Variants in SLCO6A1 observed in about 807,000 individuals in gnomAD.
SLCO6A1 encodes solute carrier organic anion transporter family member 6A1.
Under a neutral mutation model 72.7 loss-of-function variants are expected in SLCO6A1, and 65 were observed. The observed-to-expected ratio is 0.89, with a 90% CI of 0.73 to 1.10. The LOEUF (loss-of-function observed/expected upper bound fraction) is 1.10, where lower values mean the gene tolerates loss of function less well. Ranked by LOEUF, SLCO6A1 falls within the 50% of genes least tolerant of loss-of-function variation. The pLI, the probability that SLCO6A1 is intolerant of heterozygous loss-of-function variation, is 0.00. For synonymous variants in SLCO6A1, 314 were observed against 298.2 expected, an observed-to-expected ratio of 1.05 and a Z score of -0.55; for missense variants, 874 against 872.6, an observed-to-expected ratio of 1.00 and a Z score of -0.02.
Position 102,477,271 on chromosome 5 carries a change from G to A in SLCO6A1, c.802+405C>T, listed in dbSNP as rs1169467298. Among the ~76,000 whole-genome samples the A allele has an allele frequency of 3.3e-5, 5 of 151,880 alleles. No individual in the cohort carries two copies. In the South Asian group the frequency reaches 6.2e-4, roughly 19 times the overall value. ...AGAGTAGCTGAGATTACAGGTGCTC[G>A]CCACCATGCCCAGCTAATTTTTTTG... On this transcript the variant is annotated intron_variant, in intron 3 of 13. Transcript: ENST00000506729.
intron 6 of SLCO6A1, among the ~76,000 whole-genome samples, chr5:102,440,335 G>A (rs1236465679): frequency 1.3e-5 from 2 of 151,988 alleles, no homozygotes; most frequent in African/African-American, 2.4e-5. Context: ...GATCAGCAGC[G>A]GCATTAAATT....
intron 9 of SLCO6A1, among the ~76,000 whole-genome samples, chr5:102,411,249 ATGTG>A (rs71226935): frequency 2.0e-5 from 3 of 149,932 alleles, no homozygotes; most frequent in East Asian, 2.0e-4. Context: ...TTGTGTGTGT[ATGTG>A]TGTGTGTGTG....
chr5:102,373,553 CA>C, intron 12 of SLCO6A1, 59 bp from the exon 13 acceptor site: 1 of 1,208,684 alleles, frequency 8.3e-7, no homozygotes, highest in Non-Finnish European at 1.1e-6. Context: ...AAAATGTAGG[CA>C]AAAATGCTAT....
intron 9 of SLCO6A1, among the ~76,000 whole-genome samples, chr5:102,407,612 C>T (rs1373442183): frequency 1.3e-5 from 2 of 152,156 alleles, no homozygotes; most frequent in East Asian, 3.8e-4. Flanking sequence ...TAAACCTCAT[C>T]TAATTAGGTG....
chr5:102,484,247 G>A (rs1580515065), intron 1 of SLCO6A1, among the ~76,000 whole-genome samples: 1 of 152,142 alleles, frequency 6.6e-6, no homozygotes, highest in East Asian at 1.9e-4. Flanking sequence ...TTGACTCCAA[G>A]CCCAATCATG....
chr5:102,459,249 C>G (rs1371804667), intron 5 of SLCO6A1, among the ~76,000 whole-genome samples: 3 of 151,932 alleles, frequency 2.0e-5, no homozygotes, highest in Non-Finnish European at 1.5e-5. Flanking sequence ...ATCTCTAGAA[C>G]AAAAAGGAAA....
chr5:102,398,822 C>G (rs532075823), intron 10 of SLCO6A1, among the ~76,000 whole-genome samples: 1 of 151,834 alleles, frequency 6.6e-6, no homozygotes, highest in Non-Finnish European at 1.5e-5. Context: ...TCTTGTCCCC[C>G]GCCTGCTTGT....
At chr5:102,448,595 G>C (rs1389848772) in intron 6 of SLCO6A1, among the ~76,000 whole-genome samples, 1 of 152,178 alleles carries the variant, frequency 6.6e-6, no homozygotes, top group Non-Finnish European at 1.5e-5. Context: ...AGCTCTGCTT[G>C]TTGAGTTGAA....
chr5:102,382,040 T>C (rs1320128759), intron 12 of SLCO6A1, among the ~76,000 whole-genome samples: 2 of 151,814 alleles, frequency 1.3e-5, no homozygotes, highest in East Asian at 3.8e-4. Flanking sequence ...GTTGACTGTT[T>C]CCATTGCTGT....
At chr5:102,394,962 C>A (rs1460185118) in intron 10 of SLCO6A1, among the ~76,000 whole-genome samples, 1 of 151,998 alleles carries the variant, frequency 6.6e-6, no homozygotes. Context: ...TACTAAATTC[C>A]CACATGAGTT....
chr5:102,456,791 C>T (rs1341943033), intron 6 of SLCO6A1, among the ~76,000 whole-genome samples: 2 of 152,138 alleles, frequency 1.3e-5, no homozygotes, highest in Non-Finnish European at 2.9e-5. Flanking sequence ...GCCCTCATTG[C>T]CAAGACAATC....
chr5:102,493,050 A>C (rs1270480079), intron 1 of SLCO6A1, among the ~76,000 whole-genome samples: 1 of 152,228 alleles, frequency 6.6e-6, no homozygotes, highest in Non-Finnish European at 1.5e-5. Context: ...CATGTACCCT[A>C]GAACTTAAAG....
intron 5 of SLCO6A1, among the ~76,000 whole-genome samples, chr5:102,459,009 C>G (rs935400778): frequency 2.0e-5 from 3 of 151,944 alleles, no homozygotes; most frequent in Non-Finnish European, 2.9e-5. Flanking sequence ...ACATTAAATG[C>G]TAGGTAAGTA....
chr5:102,426,875 C>G (rs1748921451), intron 7 of SLCO6A1, among the ~76,000 whole-genome samples: 1 of 152,098 alleles, frequency 6.6e-6, no homozygotes, highest in African/African-American at 2.4e-5. Flanking sequence ...ACCCAAATGC[C>G]CATTCATGAT....
At chr5:102,483,919 A>G (rs539817934) in intron 1 of SLCO6A1, among the ~76,000 whole-genome samples, 28 of 152,286 alleles carry the variant, frequency 1.8e-4, no homozygotes, top group African/African-American at 6.3e-4. Context: ...TTATGTTGCA[A>G]TTCTGCCGCC....
intron 4 of SLCO6A1, 91 bp downstream of exon 4, chr5:102,475,606 A>G (rs1751854101): frequency 5.2e-6 from 4 of 762,270 alleles, no homozygotes. Flanking sequence ...GTTATTACAA[A>G]TTAAATATAT....
chr5:102,479,784 G>A (rs1290892257), intron 2 of SLCO6A1, among the ~76,000 whole-genome samples: 3 of 151,968 alleles, frequency 2.0e-5, no homozygotes, highest in African/African-American at 7.3e-5. Context: ...ATCCCACTTT[G>A]AGTTCATGAT....
chr5:102,479,325 T>C (rs1235824327), intron 2 of SLCO6A1, among the ~76,000 whole-genome samples: 1 of 152,172 alleles, frequency 6.6e-6, no homozygotes, highest in Non-Finnish European at 1.5e-5. Context: ...AGCCCTCCTG[T>C]ACAGGCTGCA....
At chr5:102,490,761 G>C (rs572786022) in intron 1 of SLCO6A1, among the ~76,000 whole-genome samples, 2 of 152,276 alleles carry the variant, frequency 1.3e-5, no homozygotes, top group Admixed American at 1.3e-4. Context: ...CCTCCTGGTG[G>C]GTTCGTGGTC....
Sources: allele counts gnomAD v4.1 joint callset (sites outside exome capture counted in the v4.1 genomes callset), GRCh38; gene constraint gnomAD v4.1.1; transcripts MANE v1.5; gene names NCBI Gene and HGNC (gene_info 2026-07-23, HGNC 2026-07-21).